Variants in NPSR1 observed in about 807,000 individuals in gnomAD.
NPSR1 encodes the protein neuropeptide S receptor.
In NPSR1, 48 loss-of-function variants were observed where a neutral mutation model predicts 46.9. The ratio of observed to expected loss-of-function variants is 1.02; its 90% CI spans 0.81 to 1.30. NPSR1 has a LOEUF of 1.30. Ranked by LOEUF, NPSR1 falls within the 50% of genes most tolerant of loss-of-function variation. The pLI is 0.00. For synonymous variants in NPSR1, 176 were observed against 168.1 expected (o/e 1.05, Z -0.36); for missense variants, 450 against 449.5 (o/e 1.00, Z -0.01).
At chr7:34,840,044 G>A (rs779048729) in intron 6 of NPSR1, among the ~76,000 whole-genome samples, 15 of 152,208 alleles carry the variant, frequency 9.9e-5, no homozygotes, top group Middle Eastern at 6.8e-3. Flanking sequence ...TTCTGCTTGA[G>A]CTGAGGTGCT....
chr7:34,831,051 T>G (rs1790095564), intron 5 of NPSR1, among the ~76,000 whole-genome samples: 1 of 152,162 alleles, frequency 6.6e-6, no homozygotes, highest in African/African-American at 2.4e-5. Context: ...AAGAGGCACC[T>G]CAGGTCCTCA....
At chr7:34,820,869 A>C (rs1345935216) in intron 4 of NPSR1, among the ~76,000 whole-genome samples, 3 of 152,138 alleles carry the variant, frequency 2.0e-5, no homozygotes, top group Non-Finnish European at 4.4e-5. Context: ...CAAACTTCTT[A>C]TTTGCAGGGG....
intron 2 of NPSR1, among the ~76,000 whole-genome samples, chr7:34,771,986 G>C (rs984405768): frequency 3.9e-5 from 6 of 152,148 alleles, no homozygotes; most frequent in African/African-American, 1.4e-4. Flanking sequence ...AGTTATGTAG[G>C]ATGTCACCAT....
Position 34,834,214 on chromosome 7 carries a change from A to G in NPSR1, c.681-170A>G, listed in dbSNP as rs1790260424. The G allele has an allele frequency of 4.9e-6, 3 of 609,944 alleles. No individual in the cohort carries two copies. The South Asian group carries it at 6.3e-5, about 13-fold the overall frequency. The allele number at this position is 609,944 out of a possible 1,614,324, so 37.8% of individuals were successfully genotyped here. A position where few individuals can be genotyped will look rare whatever the true frequency, so the allele number is the denominator to read the frequency against. ...AAGTAACTCCATCCAGTGGATCCTCATGGTCACTTTCAGTTGCAATTCTAT... is the reference window on the plus strand; with the variant it reads ...AAGTAACTCCATCCAGTGGATCCTCGTGGTCACTTTCAGTTGCAATTCTAT... On this transcript the variant is annotated intron_variant, in intron 5 of 8. Transcript: ENST00000360581.
chr7:34,754,139 T>C (rs1322852195), intron 2 of NPSR1, among the ~76,000 whole-genome samples: 1 of 151,778 alleles, frequency 6.6e-6, no homozygotes, highest in East Asian at 1.9e-4. Flanking sequence ...TCTCCCCCTG[T>C]CCTTTTCTGA....
intron 2 of NPSR1, among the ~76,000 whole-genome samples, chr7:34,732,018 C>G (rs1255834029): frequency 7.5e-6 from 1 of 133,998 alleles, no homozygotes; most frequent in African/African-American, 2.8e-5. Context: ...CTATCTCTAC[C>G]AAAAAAAATT....
At chr7:34,696,136 T>TA (rs1258914937) in intron 2 of NPSR1, among the ~76,000 whole-genome samples, 2 of 143,980 alleles carry the variant, frequency 1.4e-5, no homozygotes, top group African/African-American at 5.1e-5. Flanking sequence ...TATGCAGCTA[T>TA]AAAAAAGAAT....
chr7:34,791,898 A>G lies in NPSR1; in HGVS notation c.384+13333A>G, dbSNP rs1598945. On this transcript the variant is annotated intron_variant, in intron 3 of 8. Coordinates refer to ENST00000360581, the MANE Select transcript of NPSR1 (RefSeq NM_207172.2). ...AAAGAAGCCAGAAATAAATCCATGTATGTATGGTCCACTGATCTTCAACAG... is the reference window on the plus strand; with the variant it reads ...AAAGAAGCCAGAAATAAATCCATGTGTGTATGGTCCACTGATCTTCAACAG... Among the ~76,000 whole-genome samples, 4 of 152,150 alleles carry G rather than the reference A, an allele frequency of 2.6e-5. No individual in the cohort carries two copies. The East Asian group carries it at 5.8e-4, about 22-fold the overall frequency.
chr7:34,728,392 T>A (rs1180807263), intron 2 of NPSR1, among the ~76,000 whole-genome samples: 1 of 152,152 alleles, frequency 6.6e-6, no homozygotes, highest in African/African-American at 2.4e-5. Flanking sequence ...GTACATGATG[T>A]GGGGTGCACG....
chr7:34,765,968 AC>A (rs1786411574), intron 2 of NPSR1, among the ~76,000 whole-genome samples: 1 of 152,186 alleles, frequency 6.6e-6, no homozygotes, highest in Non-Finnish European at 1.5e-5. Context: ...GATCAATCGT[AC>A]CCCAAATCTC....
chr7:34,730,933 G>T (rs1324186476), intron 2 of NPSR1, among the ~76,000 whole-genome samples: 2 of 152,180 alleles, frequency 1.3e-5, no homozygotes, highest in African/African-American at 4.8e-5. Flanking sequence ...GGAGAGGAGA[G>T]GGGCAGGAGA....
chr7:34,718,013 A>T (rs1038938991), intron 2 of NPSR1, among the ~76,000 whole-genome samples: 1 of 152,220 alleles, frequency 6.6e-6, no homozygotes, highest in Non-Finnish European at 1.5e-5. Context: ...TATCCTGATG[A>T]CATATTTTAG....
intron 2 of NPSR1, among the ~76,000 whole-genome samples, chr7:34,744,793 G>T (rs1785121360): frequency 6.6e-6 from 1 of 152,128 alleles, no homozygotes; most frequent in Admixed American, 6.6e-5. Flanking sequence ...CCAGGACTTT[G>T]TCATGTTTTC....
At chr7:34,669,190 A>C (rs2128673182) in intron 1 of NPSR1, among the ~76,000 whole-genome samples, 1 of 152,336 alleles carries the variant, frequency 6.6e-6, no homozygotes, top group East Asian at 1.9e-4. Flanking sequence ...TATGAAATAA[A>C]GAATTTTGGA....
intron 8 of NPSR1, among the ~76,000 whole-genome samples, chr7:34,859,950 C>A (rs1174390703): frequency 6.6e-6 from 1 of 151,712 alleles, no homozygotes; most frequent in African/African-American, 2.4e-5. Context: ...AGTGGTTTCC[C>A]CTGGTCCAAC....
At chr7:34,663,683 C>T (rs1791587285) in intron 1 of NPSR1, among the ~76,000 whole-genome samples, 2 of 152,330 alleles carry the variant, frequency 1.3e-5, no homozygotes, top group African/African-American at 2.4e-5. Context: ...CACTGCTGCG[C>T]CATCAAACTC....
intron 1 of NPSR1, among the ~76,000 whole-genome samples, chr7:34,664,381 C>T (rs989732297): frequency 6.6e-5 from 10 of 152,160 alleles, no homozygotes; most frequent in African/African-American, 2.2e-4. Flanking sequence ...CCTTAAAGAA[C>T]AGCAAGCGGC....
chr7:34,863,702 C>A (rs1381047531), intron 8 of NPSR1, among the ~76,000 whole-genome samples: 1 of 151,696 alleles, frequency 6.6e-6, no homozygotes, highest in Middle Eastern at 3.2e-3. Flanking sequence ...GTTAGAGTGG[C>A]AATCCTTAAA....
intron 5 of NPSR1, among the ~76,000 whole-genome samples, chr7:34,833,811 C>A (rs1790232941): frequency 6.6e-6 from 1 of 152,158 alleles, no homozygotes; most frequent in Admixed American, 6.5e-5. Flanking sequence ...CATTTTCTTG[C>A]AGCTGTGGGA....
Sources: gnomAD v4.1 joint callset for allele counts (sites outside exome capture counted in the v4.1 genomes callset) on GRCh38, gnomAD v4.1.1 for gene constraint, MANE v1.5 for transcripts, NCBI Gene and HGNC (gene_info 2026-07-23, HGNC 2026-07-21) for gene names.